HS6ST2: variants seen among roughly 807,000 people sequenced by gnomAD.
HS6ST2 encodes the protein heparan sulfate 6-O-sulfotransferase 2, also known as heparan-sulfate 6-O-sulfotransferase 2.
A neutral mutation model predicts 33.0 loss-of-function variants in HS6ST2; 17 were observed. That is an observed-to-expected ratio of 0.52 (90% CI 0.35 to 0.77). The LOEUF is 0.77. Among genes scored for constraint, HS6ST2 ranks in the 30% least tolerant of loss-of-function variants. The pLI, the probability that HS6ST2 is intolerant of heterozygous loss-of-function variation, is 0.01. For synonymous variants in HS6ST2, 248 were observed against 237.1 expected (o/e 1.05, Z -0.42); for missense variants, 519 against 551.7 (o/e 0.94, Z 0.59).
At chrX:132,880,610 C>T (rs2066158518) in intron 2 of HS6ST2, among the ~76,000 whole-genome samples, 1 of 108,569 alleles carries the variant, frequency 9.2e-6, no homozygotes, top group Non-Finnish European at 1.9e-5. Flanking sequence ...ACTATTTAAC[C>T]AACAACTTTT....
At chrX:132,788,244 T>C (rs905391257) in intron 2 of HS6ST2, among the ~76,000 whole-genome samples, 1 of 112,137 alleles carries the variant, frequency 8.9e-6, no homozygotes, top group African/African-American at 3.2e-5. Flanking sequence ...CATGTCTCTG[T>C]GTTACATTTT....
At chrX:132,937,768 T>C (rs1471271680) in intron 2 of HS6ST2, among the ~76,000 whole-genome samples, 2 of 111,062 alleles carry the variant, frequency 1.8e-5, no homozygotes, top group South Asian at 3.8e-4. Context: ...AATCCAGCAA[T>C]ATATAAAAAA....
chrX:132,715,189 C>A lies in HS6ST2; in HGVS notation c.948-6695G>T, dbSNP rs186641307. 3.3e-4 allele frequency among the ~76,000 whole-genome samples: 37 copies of A among 111,790 alleles called. No homozygotes were observed. The East Asian group carries it at 9.0e-3, about 27-fold the overall frequency. ...GTGGCTCATGTCTGTATTCCCAACACTTTGGGAAGCCAAGGTGGGAGGAAC... is the reference window on the plus strand; with the variant it reads ...GTGGCTCATGTCTGTATTCCCAACAATTTGGGAAGCCAAGGTGGGAGGAAC... On this transcript the variant is annotated intron_variant, in intron 2 of 4. Transcript: ENST00000370833.
In HS6ST2 at chrX:132,877,981, G is replaced by A. The variant is rs772526357; in HGVS notation, c.947+78827C>T. Among the ~76,000 whole-genome samples the A allele has an allele frequency of 5.4e-5, 6 of 111,096 alleles. No homozygotes were observed. The South Asian group carries it at 1.6e-3, about 29-fold the overall frequency. The stretch of plus-strand genomic sequence containing the variant: ...ACCACTTGAGTAAAAATATTTAAAC[G>A]GAGGAGGGGAAAATAGCCATTTGAG... On this transcript the variant is annotated intron_variant, in intron 2 of 4. Transcript: ENST00000370833.
rs1447265840 is a variant in HS6ST2 at position 132,629,086 on chromosome X, G to A, written c.1075C>T (p.His359Tyr). The change falls in exon 5 of 5, where the codon CAC becomes TAC. Residue 359 changes from histidine to tyrosine, a missense_variant. By Grantham distance (83) the His-to-Tyr change is moderately conservative (BLOSUM62 2). Transcript: ENST00000370833. ...RNTSKSGKNF[H>Y]YITILRDPVS... ...GGGTCTCGGAGGATGGTGATGTAGT[G>A]GAAGTTCCTATGGATGAAGCACAAA... The A allele has an allele frequency of 2.5e-6, 3 of 1,191,709 alleles. No individual in the cohort carries two copies. The highest frequency in any genetic ancestry group is 3.4e-6 in the Non-Finnish European group (3 of 884,981).
chrX:132,911,149 CA>C (rs148210404), intron 2 of HS6ST2, among the ~76,000 whole-genome samples: 13 of 87,393 alleles, frequency 1.5e-4, no homozygotes, highest in Admixed American at 2.7e-4. Flanking sequence ...GACGCTATCT[CA>C]AAAAAAAAAA....
At chrX:132,664,348 A>G (rs2063795367) in intron 4 of HS6ST2, among the ~76,000 whole-genome samples, 1 of 111,138 alleles carries the variant, frequency 9.0e-6, no homozygotes, top group Non-Finnish European at 1.9e-5. Context: ...TTTTCATTTG[A>G]CTCCTGCCAG....
chrX:132,800,044 C>T (rs2065219841), intron 2 of HS6ST2, among the ~76,000 whole-genome samples: 2 of 112,097 alleles, frequency 1.8e-5, no homozygotes, highest in Non-Finnish European at 3.8e-5. Context: ...CTGGAACATG[C>T]CATAACAGTG....
intron 1 of HS6ST2, 49 bp from the exon 2 acceptor site, chrX:132,957,375 C>A (rs1439177477): frequency 9.0e-7 from 1 of 1,112,929 alleles, no homozygotes; most frequent in South Asian, 2.3e-5. Context: ...TCAGCCCGCG[C>A]TCGTCGTGCC....
chrX:132,850,178 T>C (rs1268107356), intron 2 of HS6ST2, among the ~76,000 whole-genome samples: 1 of 112,408 alleles, frequency 8.9e-6, no homozygotes, highest in Non-Finnish European at 1.9e-5. Flanking sequence ...AAAAAGTTTA[T>C]TTTTAGAGTA....
intron 2 of HS6ST2, among the ~76,000 whole-genome samples, chrX:132,767,330 C>A (rs1001755352): frequency 8.9e-6 from 1 of 111,934 alleles, no homozygotes; most frequent in African/African-American, 3.2e-5. Context: ...GCAATCCTCC[C>A]ACCTCAGCAT....
chrX:132,952,494 AAGG>A (rs1473503981), intron 2 of HS6ST2, among the ~76,000 whole-genome samples: 2 of 111,259 alleles, frequency 1.8e-5, no homozygotes, highest in Non-Finnish European at 1.9e-5. Flanking sequence ...CTGCAAAATC[AAGG>A]AGAAGAAAGA....
intron 2 of HS6ST2, among the ~76,000 whole-genome samples, chrX:132,761,518 C>T (rs1387523295): frequency 8.9e-6 from 1 of 112,091 alleles, no homozygotes; most frequent in Non-Finnish European, 1.9e-5. Flanking sequence ...GGATCCCAAG[C>T]CCTGCCATTT....
At chrX:132,631,052 T>G (rs2063513520) in intron 4 of HS6ST2, among the ~76,000 whole-genome samples, 1 of 111,702 alleles carries the variant, frequency 9.0e-6, no homozygotes, top group Non-Finnish European at 1.9e-5. Flanking sequence ...CCTATTCTTC[T>G]ATATAGCCCT....
Position 132,953,068 on chromosome X carries a change from A to G in HS6ST2, c.947+3740T>C, listed in dbSNP as rs373069389. ...AGTGATGAAGAAGGGGGCTAGTGCT[A>G]TTTCTTTGGGCCCAGTTCTGAATTC... On this transcript the variant is annotated intron_variant, in intron 2 of 4. Coordinates refer to ENST00000370833, the MANE Select transcript of HS6ST2 (RefSeq NM_001394073.1). Among the ~76,000 whole-genome samples, 513 of 111,459 alleles carry G rather than the reference A, an allele frequency of 4.6e-3. 2 individuals are homozygous for G. Among genetic ancestry groups the G allele is most frequent in the African/African-American group, 0.016 (492 of 30,643 alleles).
rs1360386188 is a variant in HS6ST2 at position 132,626,305 on chromosome X, TCA to T, written c.*1916_*1917del. 8.9e-6 allele frequency: 1 copy of T among 112,551 alleles called. No homozygotes were observed. The highest frequency in any genetic ancestry group is 1.9e-5 in the Non-Finnish European group (1 of 53,244). 9.3% of individuals were successfully genotyped at this position (112,551 alleles called of 1,213,427 possible). A position where few individuals can be genotyped will look rare whatever the true frequency, so the allele number is the denominator to read the frequency against. On this transcript the variant is annotated 3_prime_UTR_variant, in exon 5 of 5. Coordinates refer to ENST00000370833, the MANE Select transcript of HS6ST2 (RefSeq NM_001394073.1). ...TCATCCTGCTTTCCAACAATACCTATCAGTTTTAAAAGCAAACATTTTCAATT... is the reference window on the plus strand; with the variant it reads ...TCATCCTGCTTTCCAACAATACCTATGTTTTAAAAGCAAACATTTTCAATT...
intron 2 of HS6ST2, among the ~76,000 whole-genome samples, chrX:132,750,237 T>A (rs2064688887): frequency 9.2e-6 from 1 of 109,105 alleles, no homozygotes; most frequent in Non-Finnish European, 1.9e-5. Context: ...CCAATTGCAG[T>A]GCCTGGTACA....
At chrX:132,956,653 G>A (rs758078445) in intron 2 of HS6ST2, among the ~76,000 whole-genome samples, 155 bp downstream of exon 2, 1 of 113,015 alleles carries the variant, frequency 8.8e-6, no homozygotes, top group South Asian at 3.6e-4. Context: ...ACAGCGCGGC[G>A]AACGTGCGCT....
intron 2 of HS6ST2, among the ~76,000 whole-genome samples, chrX:132,906,418 G>C (rs1430040821): frequency 1.8e-5 from 2 of 111,863 alleles, no homozygotes; most frequent in African/African-American, 6.5e-5. Flanking sequence ...GAATAATTGT[G>C]GATTTTCTAT....
Sources: allele counts gnomAD v4.1 joint callset (sites outside exome capture counted in the v4.1 genomes callset), GRCh38; gene constraint gnomAD v4.1.1; transcripts MANE v1.5; gene names NCBI Gene and HGNC (gene_info 2026-07-23, HGNC 2026-07-21).